The following DPYSL2 variants were observed in gnomAD, a reference collection of about 807,000 sequenced individuals.
DPYSL2 encodes dihydropyrimidinase-related protein 2.
In DPYSL2, 13 loss-of-function variants were observed where a neutral mutation model predicts 69.9. The observed-to-expected ratio is 0.19, with a 90% CI of 0.12 to 0.30. The LOEUF (loss-of-function observed/expected upper bound fraction) is 0.30, where lower values mean the gene tolerates loss of function less well. DPYSL2 is among the 10% of genes least tolerant of loss of function. The pLI is 1.00. For synonymous variants in DPYSL2, 326 were observed against 359.1 expected (o/e 0.91, Z 1.04); for missense variants, 587 against 918.9 (o/e 0.64, Z 4.67).
At position 26,598,613 on chromosome 8, in the gene DPYSL2, T is replaced by C. The variant is rs1360634294; in HGVS notation, c.628+14630T>C. On this transcript the variant is annotated intron_variant, in intron 3 of 13. Transcript: ENST00000521913. The surrounding 1 kb of genome is among the most constrained non-coding windows in gnomAD (Gnocchi z 4.2). ...AGGCACAGTCCCTGCTTACGGGAGA[T>C]TTGAGGCATTTGATCATTTTTTCCC... 6.6e-6 allele frequency among the ~76,000 whole-genome samples: 1 copy of C among 152,204 alleles called. No individual in the cohort carries two copies. Among genetic ancestry groups the C allele is most frequent in the Non-Finnish European group, 1.5e-5 (1 of 68,026 alleles).
Position 26,643,184 on chromosome 8 carries a change from T to G in DPYSL2, c.1127-255T>G, listed in dbSNP as rs1803090817. 7.3e-6 allele frequency: 3 copies of G among 413,478 alleles called. No homozygotes were observed. Among genetic ancestry groups the G allele is most frequent in the Non-Finnish European group, 1.3e-5 (3 of 234,800 alleles). 25.6% of individuals were successfully genotyped at this position (413,478 alleles called of 1,614,324 possible). ...AGGAGACAGAAGCCTTCAGGATGTC[T>G]GGGATCCTATAGGGAGGGTGTGTTG... On this transcript the variant is annotated intron_variant, in intron 8 of 13. Coordinates refer to ENST00000521913, the MANE Select transcript of DPYSL2 (RefSeq NM_001197293.3). The surrounding 1 kb of genome is among the most constrained non-coding windows in gnomAD (Gnocchi z 6.5).
chr8:26,633,137 A>T (rs1360262662), intron 7 of DPYSL2, among the ~76,000 whole-genome samples: 3 of 152,252 alleles, frequency 2.0e-5, no homozygotes, highest in Non-Finnish European at 2.9e-5. Context: ...TGAACATAAA[A>T]TGAAATCATT....
At chr8:26,611,322 A>G (rs1802223406) in intron 3 of DPYSL2, among the ~76,000 whole-genome samples, 1 of 152,162 alleles carries the variant, frequency 6.6e-6, no homozygotes, top group Non-Finnish European at 1.5e-5. Flanking sequence ...CATTAGTGAG[A>G]GAATGTTTCA....
rs887834680 is a variant in DPYSL2, at chr8:26,617,299, G to C, written c.629-6844G>C. Among the ~76,000 whole-genome samples the C allele has an allele frequency of 1.1e-4, 17 of 152,108 alleles. No individual in the cohort carries two copies. The highest frequency in any genetic ancestry group is 3.9e-4 in the African/African-American group (16 of 41,414). ...TTAAAAAGAAAAAGTTCCAGCCTGG[G>C]CAGCATAGCGAGACCTATTGTCTCT... On this transcript the variant is annotated intron_variant, in intron 3 of 13. Transcript: ENST00000521913. This position sits in a 1 kb window ranked among gnomAD's most constrained non-coding sequence, Gnocchi z 4.7.
chr8:26,530,513 G>C (rs17055417), intron 1 of DPYSL2, among the ~76,000 whole-genome samples: 2,026 of 152,352 alleles, frequency 0.013, 23 homozygotes, highest in Middle Eastern at 0.075. Flanking sequence ...GAACCATAGA[G>C]AGAAATGTGC....
intron 1 of DPYSL2, among the ~76,000 whole-genome samples, chr8:26,567,314 A>T (rs1233362152): frequency 1.4e-5 from 2 of 139,960 alleles, no homozygotes; most frequent in Admixed American, 7.1e-5. Context: ...ACATCCATCC[A>T]CCTATTCATC....
rs545931224 is a variant in DPYSL2, at chr8:26,561,406, C to A, written c.355-20563C>A. On this transcript the variant is annotated intron_variant, in intron 1 of 13. Transcript: ENST00000521913. ...TAATTACCATCCATGAGTGGATGTT[C>A]CTAAATTCACATCTTAAGCCCCAAC... Among the ~76,000 whole-genome samples, 64 of 152,262 alleles carry A rather than the reference C, an allele frequency of 4.2e-4. No homozygotes were observed. The South Asian group carries it at 0.012, about 30-fold the overall frequency.
At chr8:26,566,428 A>G (rs899244000) in intron 1 of DPYSL2, among the ~76,000 whole-genome samples, 1 of 152,388 alleles carries the variant, frequency 6.6e-6, no homozygotes, top group Admixed American at 6.5e-5. Flanking sequence ...AAATGCTCAA[A>G]GAGTAAATAC....
intron 1 of DPYSL2, among the ~76,000 whole-genome samples, chr8:26,556,057 T>A (rs561094478): frequency 0.029 from 2,293 of 78,040 alleles, 16 homozygotes; most frequent in Non-Finnish European, 0.037. Context: ...ATAGTATATA[T>A]AAATTATGTA....
rs1412028200 is a variant in DPYSL2 at position 26,617,723 on chromosome 8, A to G, written c.629-6420A>G. Among the ~76,000 whole-genome samples the G allele has an allele frequency of 2.0e-5, 3 of 152,202 alleles. No individual in the cohort carries two copies. Reference sequence around the variant, plus strand: ...GGATGAACCTTGACGACATGATGCCAAGTGAAAGCAGACAGACGCACAAGA... The same window carrying G: ...GGATGAACCTTGACGACATGATGCCGAGTGAAAGCAGACAGACGCACAAGA... On this transcript the variant is annotated intron_variant, in intron 3 of 13. Transcript: ENST00000521913. The surrounding 1 kb of genome is among the most constrained non-coding windows in gnomAD (Gnocchi z 4.7).
Position 26,644,154 on chromosome 8 carries a change from G to C in DPYSL2, c.1425+63G>C. 2 of 1,573,624 alleles carry C rather than the reference G, an allele frequency of 1.3e-6. No homozygotes were observed. Among genetic ancestry groups the C allele is most frequent in the South Asian group, 1.2e-5 (1 of 84,852 alleles). Reference sequence around the variant, plus strand: ...CCTTCCTTGTCCTCCTCATCTGGGGGCCATGGGGCTCATGGAGGCCTTGAA... The same window carrying C: ...CCTTCCTTGTCCTCCTCATCTGGGGCCCATGGGGCTCATGGAGGCCTTGAA... On this transcript the variant is annotated intron_variant, in intron 10 of 13. Transcript: ENST00000521913. The surrounding 1 kb of genome is among the most constrained non-coding windows in gnomAD (Gnocchi z 4.5).
At chr8:26,545,328 GA>G (rs1466678340) in intron 1 of DPYSL2, among the ~76,000 whole-genome samples, 5 of 152,126 alleles carry the variant, frequency 3.3e-5, no homozygotes, top group African/African-American at 1.2e-4. Flanking sequence ...CAACCACAAT[GA>G]AATGTAACTA....
At position 26,642,274 on chromosome 8, in the gene DPYSL2, AG is replaced by A. The variant is rs1803067754; in HGVS notation, c.1127-1161del. Among the ~76,000 whole-genome samples, 1 of 152,126 alleles carries A rather than the reference AG, an allele frequency of 6.6e-6. No individual in the cohort carries two copies. The highest frequency in any genetic ancestry group is 1.5e-5 in the Non-Finnish European group (1 of 67,988). ...AAATTCAGAACTGGGCAATGACTGG[AG>A]GGGAGGATGGGATTCTCAGGTGAAG... On this transcript the variant is annotated intron_variant, in intron 8 of 13. Coordinates refer to ENST00000521913, the MANE Select transcript of DPYSL2 (RefSeq NM_001197293.3). This position sits in a 1 kb window ranked among gnomAD's most constrained non-coding sequence, Gnocchi z 5.3.
At chr8:26,524,951 A>ATCTGTGTTCATATT (rs1808453169) in intron 1 of DPYSL2, among the ~76,000 whole-genome samples, 1 of 150,566 alleles carries the variant, frequency 6.6e-6, no homozygotes, top group Non-Finnish European at 1.5e-5. Flanking sequence ...CGGTTTTCCT[A>ATCTGTGTTCATATT]TCTGTGTTCA....
rs1211046755 is a variant in DPYSL2, at chr8:26,627,757, G to A, written c.937-115G>A. The A allele has an allele frequency of 2.2e-5, 23 of 1,028,436 alleles. No homozygotes were observed. Among genetic ancestry groups the A allele is most frequent in the East Asian group, 1.6e-4 (6 of 38,518 alleles). The allele number at this position is 1,028,436 out of a possible 1,614,324, so 63.7% of individuals were successfully genotyped here. ...TGAGGTCTTGGGATGAGGGCAGAAC[G>A]ATCGGCAGTGGTAATTTTCCATCTT... On this transcript the variant is annotated intron_variant, in intron 6 of 13. Coordinates refer to ENST00000521913, the MANE Select transcript of DPYSL2 (RefSeq NM_001197293.3). This position sits in a 1 kb window ranked among gnomAD's most constrained non-coding sequence, Gnocchi z 6.9.
At position 26,516,662 on chromosome 8, in the gene DPYSL2, C is replaced by T. The variant is rs893516890; in HGVS notation, c.354+1983C>T. Among the ~76,000 whole-genome samples the T allele has an allele frequency of 4.6e-5, 7 of 152,114 alleles. No homozygotes were observed. Among genetic ancestry groups the T allele is most frequent in the African/African-American group, 1.7e-4 (7 of 41,420 alleles). Reference sequence around the variant, plus strand: ...GAGATTTGAAGAGAAAATACTCAAACAAACTGCAAGGGAGTTTTAGATTGC... The same window carrying T: ...GAGATTTGAAGAGAAAATACTCAAATAAACTGCAAGGGAGTTTTAGATTGC... On this transcript the variant is annotated intron_variant, in intron 1 of 13. Transcript: ENST00000521913. This position sits in a 1 kb window ranked among gnomAD's most constrained non-coding sequence, Gnocchi z 4.8.
Position 26,627,839 on chromosome 8 carries a change from C to T in DPYSL2, c.937-33C>T. The T allele has an allele frequency of 6.2e-7, 1 of 1,609,624 alleles. No homozygotes were observed. ...ATCAGAGCTGTGCAAAATCCACTCT[C>T]CCTCACAGCCTGACTTTCTCTAAAC... On this transcript the variant is annotated intron_variant, in intron 6 of 13. Coordinates refer to ENST00000521913, the MANE Select transcript of DPYSL2 (RefSeq NM_001197293.3). The surrounding 1 kb of genome is among the most constrained non-coding windows in gnomAD (Gnocchi z 6.9).
intron 13 of DPYSL2, 126 bp from the exon 14 acceptor site, chr8:26,655,489 C>T: frequency 2.5e-6 from 2 of 799,728 alleles, no homozygotes; most frequent in Non-Finnish European, 1.9e-6. Flanking sequence ...GAGCAAGACG[C>T]TGTCTCCAAA....
At chr8:26,524,940 A>T (rs1396381907) in intron 1 of DPYSL2, among the ~76,000 whole-genome samples, 1 of 149,704 alleles carries the variant, frequency 6.7e-6, no homozygotes, top group African/African-American at 2.5e-5. Flanking sequence ...CTATTGTTTG[A>T]CGGTTTTCCT....
Sources: allele counts gnomAD v4.1 joint callset (sites outside exome capture counted in the v4.1 genomes callset), GRCh38; gene constraint gnomAD v4.1.1; non-coding constraint Gnocchi (gnomAD v3.1); transcripts MANE v1.5; gene names NCBI Gene and HGNC (gene_info 2026-07-23, HGNC 2026-07-21).